LMBR1: variants seen among roughly 807,000 people sequenced by gnomAD.
The protein encoded by LMBR1 is limb region 1 protein homolog.
Under a neutral mutation model 73.9 loss-of-function variants are expected in LMBR1, and 52 were observed. That is an observed-to-expected ratio of 0.70 (90% CI 0.56 to 0.89). The LOEUF (loss-of-function observed/expected upper bound fraction) is 0.89. LMBR1 is among the 40% of genes least tolerant of loss of function. The pLI is 0.00. For missense variants in LMBR1, 539 were observed against 579.8 expected, an observed-to-expected ratio of 0.93 and a Z score of 0.72; for synonymous variants, 215 against 209.4, an observed-to-expected ratio of 1.03 and a Z score of -0.23.
chr7:156,812,957 G>A (rs187927109), intron 4 of LMBR1, among the ~76,000 whole-genome samples: 48 of 152,208 alleles, frequency 3.2e-4, no homozygotes, highest in African/African-American at 1.1e-3. Context: ...CCCCATCTCT[G>A]GGGATTATTG....
intron 15 of LMBR1, among the ~76,000 whole-genome samples, chr7:156,718,271 G>T (rs1367590656): frequency 6.6e-6 from 1 of 151,688 alleles, no homozygotes; most frequent in African/African-American, 2.4e-5. Flanking sequence ...ATGGTGGCAG[G>T]CGCCTGTAAT....
At chr7:156,867,958 T>C (rs1052127686) in intron 1 of LMBR1, among the ~76,000 whole-genome samples, 1 of 151,786 alleles carries the variant, frequency 6.6e-6, no homozygotes, top group East Asian at 1.9e-4. Flanking sequence ...AAAAAGAAAA[T>C]AGTTGAGGCT....
At chr7:156,810,813 GTTT>G (rs1262198784) in intron 4 of LMBR1, among the ~76,000 whole-genome samples, 1 of 151,168 alleles carries the variant, frequency 6.6e-6, no homozygotes, top group Non-Finnish European at 1.5e-5. Context: ...TGATTTTTTT[GTTT>G]TTTGTTTTTT....
chr7:156,859,318 A>G (rs531410251), intron 1 of LMBR1, among the ~76,000 whole-genome samples: 1 of 151,848 alleles, frequency 6.6e-6, no homozygotes, highest in South Asian at 2.1e-4. Flanking sequence ...TCCTCTCAAC[A>G]CTCCTATTCC....
chr7:156,753,232 C>A (rs1034649198), intron 9 of LMBR1, among the ~76,000 whole-genome samples: 1 of 151,754 alleles, frequency 6.6e-6, no homozygotes, highest in African/African-American at 2.4e-5. Context: ...CAAATCACCA[C>A]GAAAAAGGCA....
At chr7:156,800,579 G>C (rs1422751832) in intron 4 of LMBR1, among the ~76,000 whole-genome samples, 1 of 151,038 alleles carries the variant, frequency 6.6e-6, no homozygotes. Context: ...TGTTTAAAAA[G>C]ATCAATATTT....
intron 15 of LMBR1, among the ~76,000 whole-genome samples, chr7:156,710,194 CG>C (rs1312470574): frequency 6.6e-6 from 1 of 151,870 alleles, no homozygotes; most frequent in Non-Finnish European, 1.5e-5. Flanking sequence ...CATGAGCCAC[CG>C]TGCCCGGCCC....
intron 4 of LMBR1, 78 bp downstream of exon 4, chr7:156,826,527 G>GAAAAGAAAA (rs1188752342): frequency 1.7e-5 from 18 of 1,029,514 alleles, no homozygotes; most frequent in Non-Finnish European, 2.3e-5. Context: ...AGAAAACTGA[G>GAAAAGAAAA]AAAAGAAAAA....
intron 10 of LMBR1, chr7:156,733,878 A>G (rs1817335901): frequency 9.7e-6 from 2 of 206,486 alleles, no homozygotes; most frequent in African/African-American, 4.6e-5. Context: ...AGACACATTA[A>G]AAGATAAGTA....
intron 1 of LMBR1, among the ~76,000 whole-genome samples, chr7:156,891,190 C>CAAAAAA (rs58107543): frequency 1.5e-3 from 32 of 20,652 alleles, no homozygotes; most frequent in South Asian, 3.3e-3. Flanking sequence ...GACTCCATCA[C>CAAAAAA]AAAAAAAAAA....
At chr7:156,726,104 GCTTA>G (rs775067233) in intron 12 of LMBR1, 1 of 328,214 alleles carries the variant, frequency 3.0e-6, no homozygotes, top group Non-Finnish European at 5.5e-6. Flanking sequence ...ACATGATTAT[GCTTA>G]CTGTTATAAA....
At chr7:156,842,850 G>A (rs914183207) in intron 1 of LMBR1, among the ~76,000 whole-genome samples, 1 of 152,120 alleles carries the variant, frequency 6.6e-6, no homozygotes, top group South Asian at 2.1e-4. Context: ...GCAGATGCAG[G>A]TAGAGTCCCC....
intron 11 of LMBR1, among the ~76,000 whole-genome samples, 169 bp from the exon 12 acceptor site, chr7:156,728,176 TAA>T (rs1816144774): frequency 6.6e-6 from 1 of 152,204 alleles, no homozygotes; most frequent in African/African-American, 2.4e-5. Flanking sequence ...GAAGAAATTC[TAA>T]AAGATTCTGC....
chr7:156,759,286 T>A (rs2132853660), intron 8 of LMBR1, among the ~76,000 whole-genome samples: 1 of 152,336 alleles, frequency 6.6e-6, no homozygotes, highest in Admixed American at 6.5e-5. Flanking sequence ...GAGGAAACTG[T>A]AAGCAGAACA....
intron 1 of LMBR1, among the ~76,000 whole-genome samples, chr7:156,891,210 AAATATATATAT>A (rs1250362238): frequency 1.3e-5 from 1 of 77,956 alleles, no homozygotes; most frequent in Non-Finnish European, 2.4e-5. Context: ...AAAAAAAAAA[AAATATATATAT>A]ATATATATAT....
chr7:156,698,079 T>C (rs750432663), intron 15 of LMBR1, among the ~76,000 whole-genome samples: 2 of 152,172 alleles, frequency 1.3e-5, no homozygotes, highest in Non-Finnish European at 2.9e-5. Context: ...ACAAAGATGC[T>C]ACAGGCCACA....
intron 4 of LMBR1, among the ~76,000 whole-genome samples, chr7:156,671,395 G>A (rs2365510): frequency 0.59 from 89,756 of 152,108 alleles, 27,988 homozygotes; most frequent in African/African-American, 0.79. Flanking sequence ...TACAGAAGAA[G>A]GCTGATGTGC....
At chr7:156,764,814 T>C (rs1035405053) in intron 5 of LMBR1, among the ~76,000 whole-genome samples, 3 of 152,172 alleles carry the variant, frequency 2.0e-5, no homozygotes, top group Non-Finnish European at 2.9e-5. Flanking sequence ...TCAAATTCAA[T>C]AGAAAGGAAA....
At chr7:156,751,708 C>T (rs1820914350) in intron 9 of LMBR1, among the ~76,000 whole-genome samples, 1 of 152,134 alleles carries the variant, frequency 6.6e-6, no homozygotes. Flanking sequence ...AGAAGGAATC[C>T]ATATGGGAAT....
Sources: allele counts gnomAD v4.1 joint callset (sites outside exome capture counted in the v4.1 genomes callset), GRCh38; gene constraint gnomAD v4.1.1; transcripts MANE v1.5; gene names NCBI Gene and HGNC (gene_info 2026-07-23, HGNC 2026-07-21).